Variants in ADAMTSL3 observed in about 807,000 individuals in gnomAD.
ADAMTSL3 encodes the protein ADAMTS-like protein 3.
Under a neutral mutation model 201.7 loss-of-function variants are expected in ADAMTSL3, and 128 were observed. That is an observed-to-expected ratio of 0.63 (90% CI 0.55 to 0.73). The LOEUF is 0.73. ADAMTSL3 is among the 30% of genes least tolerant of loss of function. ADAMTSL3 has a pLI of 0.00. For synonymous variants in ADAMTSL3, 738 were observed against 748.4 expected, an observed-to-expected ratio of 0.99 and a Z score of 0.23; for missense variants, 1,990 against 2,119.6, an observed-to-expected ratio of 0.94 and a Z score of 1.20.
chr15:83,802,798 CA>C (rs1310443590), intron 4 of ADAMTSL3, among the ~76,000 whole-genome samples: 1 of 152,014 alleles, frequency 6.6e-6, no homozygotes, highest in Non-Finnish European at 1.5e-5. Flanking sequence ...ATGGGTTTGT[CA>C]AAACTCTTAA....
chr15:83,789,128 T>C (rs1427051690), intron 4 of ADAMTSL3, among the ~76,000 whole-genome samples: 3 of 152,204 alleles, frequency 2.0e-5, no homozygotes, highest in African/African-American at 4.8e-5. Flanking sequence ...TCTGTTTTCT[T>C]GTTGAAACTC....
At chr15:83,681,057 A>G (rs2061470202) in intron 2 of ADAMTSL3, among the ~76,000 whole-genome samples, 1 of 152,212 alleles carries the variant, frequency 6.6e-6, no homozygotes, top group Admixed American at 6.5e-5. Flanking sequence ...AAGCATTTGC[A>G]ATAGCCCTAT....
At position 83,678,454 on chromosome 15, in the gene ADAMTSL3, G is replaced by A. The variant is rs189544653; in HGVS notation, c.69+22624G>A. Among the ~76,000 whole-genome samples, 510 of 151,600 alleles carry A rather than the reference G, an allele frequency of 3.4e-3. 3 individuals are homozygous for A. Among genetic ancestry groups the A allele is most frequent in the African/African-American group, 0.012 (497 of 41,362 alleles). On this transcript the variant is annotated intron_variant, in intron 2 of 29. Transcript: ENST00000286744. ...TCTTTTTTAGCACTTGAAACACGTT[G>A]TGCTACTGCCTTCTGTCTCTGTGGT...
chr15:83,870,420 G>T (rs1418116460), intron 8 of ADAMTSL3, among the ~76,000 whole-genome samples: 1 of 152,180 alleles, frequency 6.6e-6, no homozygotes, highest in Non-Finnish European at 1.5e-5. Context: ...TTTGAAATTT[G>T]CTGTGATTTT....
chr15:83,679,676 G>T (rs1000085165), intron 2 of ADAMTSL3, among the ~76,000 whole-genome samples: 1 of 152,144 alleles, frequency 6.6e-6, no homozygotes, highest in Non-Finnish European at 1.5e-5. Context: ...GTGTGAGTTG[G>T]TTAGGGGTCT....
chr15:83,781,834 A>G (rs1031293128), intron 4 of ADAMTSL3, among the ~76,000 whole-genome samples: 2 of 152,242 alleles, frequency 1.3e-5, no homozygotes, highest in African/African-American at 4.8e-5. Context: ...CTCATAATTG[A>G]TCATTAGAGA....
chr15:84,022,877 T>A (rs2068231268), intron 26 of ADAMTSL3, among the ~76,000 whole-genome samples: 1 of 152,346 alleles, frequency 6.6e-6, no homozygotes, highest in South Asian at 2.1e-4. Context: ...TTGTGCATAC[T>A]TCTCCCTCTG....
At chr15:83,928,622 T>C (rs2066292375) in intron 17 of ADAMTSL3, among the ~76,000 whole-genome samples, 2 of 152,240 alleles carry the variant, frequency 1.3e-5, no homozygotes, top group South Asian at 2.1e-4. Flanking sequence ...CCACTCTTGC[T>C]CTGGAAGTGA....
At chr15:83,806,108 C>G (rs2141868980) in intron 5 of ADAMTSL3, among the ~76,000 whole-genome samples, 1 of 152,398 alleles carries the variant, frequency 6.6e-6, no homozygotes, top group Non-Finnish European at 1.5e-5. Context: ...GTGCTGTACT[C>G]TAGGGGACAG....
intron 16 of ADAMTSL3, among the ~76,000 whole-genome samples, chr15:83,917,418 T>G (rs2066053040): frequency 5.7e-5 from 1 of 17,516 alleles, no homozygotes; most frequent in Non-Finnish European, 1.2e-4. Context: ...CCAAAGTGTG[T>G]GTATGTATGT....
At chr15:83,828,995 G>A (rs1399339346) in intron 6 of ADAMTSL3, among the ~76,000 whole-genome samples, 2 of 152,070 alleles carry the variant, frequency 1.3e-5, no homozygotes, top group African/African-American at 2.4e-5. Flanking sequence ...CTCTTTTTTG[G>A]TTGTGTCTCT....
intron 4 of ADAMTSL3, among the ~76,000 whole-genome samples, chr15:83,799,748 A>G (rs1296346154): frequency 1.3e-5 from 2 of 152,204 alleles, no homozygotes; most frequent in Admixed American, 6.5e-5. Context: ...ATGGATAGAA[A>G]ATACATAATT....
At position 83,693,317 on chromosome 15, in the gene ADAMTSL3, A is replaced by G. The variant is rs907356080; in HGVS notation, c.70-11072A>G. ...AGCATGGCCAGGAGAACAGCCAGGG[A>G]CAGCAGGATGGCAGAGGCCCCCACT... On this transcript the variant is annotated intron_variant, in intron 2 of 29. Coordinates refer to ENST00000286744, the MANE Select transcript of ADAMTSL3 (RefSeq NM_207517.3). Among the ~76,000 whole-genome samples, 10 of 152,178 alleles carry G rather than the reference A, an allele frequency of 6.6e-5. 1 individual carries two copies. The highest frequency in any genetic ancestry group is 1.9e-4 in the African/African-American group (8 of 41,438).
intron 13 of ADAMTSL3, among the ~76,000 whole-genome samples, chr15:83,897,531 C>T (rs2065641612): frequency 6.6e-6 from 1 of 152,044 alleles, no homozygotes; most frequent in East Asian, 1.9e-4. Context: ...GTCATGTAAA[C>T]GTTTAATCAA....
chr15:83,957,893 A>C (rs934986444), intron 19 of ADAMTSL3, among the ~76,000 whole-genome samples: 1 of 152,234 alleles, frequency 6.6e-6, no homozygotes, highest in African/African-American at 2.4e-5. Context: ...TATTGACAGT[A>C]GTCCCTTTAA....
chr15:83,955,112 T>C (rs2066834527), intron 19 of ADAMTSL3, among the ~76,000 whole-genome samples: 1 of 152,232 alleles, frequency 6.6e-6, no homozygotes, highest in African/African-American at 2.4e-5. Flanking sequence ...GGAGGCAAGT[T>C]CTTTCAGGCC....
intron 6 of ADAMTSL3, among the ~76,000 whole-genome samples, chr15:83,830,202 T>C (rs552211687): frequency 6.6e-6 from 1 of 152,252 alleles, no homozygotes; most frequent in African/African-American, 2.4e-5. Context: ...TCAATCTAAG[T>C]TGATGTTTGA....
At chr15:83,766,335 C>T (rs1009678915) in intron 3 of ADAMTSL3, among the ~76,000 whole-genome samples, 2 of 152,124 alleles carry the variant, frequency 1.3e-5, no homozygotes, top group Non-Finnish European at 2.9e-5. Flanking sequence ...TTAGCAAGCT[C>T]TTGGTATAGT....
intron 17 of ADAMTSL3, among the ~76,000 whole-genome samples, chr15:83,932,572 A>G (rs909208107): frequency 3.3e-5 from 5 of 152,190 alleles, no homozygotes; most frequent in African/African-American, 1.2e-4. Context: ...AAGGAGAACT[A>G]TCTGTCTCAG....
Sources: gnomAD v4.1 joint callset for allele counts (sites outside exome capture counted in the v4.1 genomes callset) on GRCh38, gnomAD v4.1.1 for gene constraint, MANE v1.5 for transcripts, NCBI Gene and HGNC (gene_info 2026-07-23, HGNC 2026-07-21) for gene names.